Variants in ANK3 observed in about 807,000 individuals in gnomAD.
ANK3 encodes the protein ankyrin 3, also known as ankyrin-3.
A neutral mutation model predicts 370.9 loss-of-function variants in ANK3; 57 were observed. That is an observed-to-expected ratio of 0.15 (90% CI 0.12 to 0.19). The LOEUF is 0.19. ANK3 is among the 10% of genes least tolerant of loss of function. ANK3 has a pLI of 1.00. For missense variants in ANK3, 4,439 were observed against 5,302.1 expected (o/e 0.84, Z 5.06); for synonymous variants, 1,929 against 1,946.3 (o/e 0.99, Z 0.23).
At chr10:60,359,860 T>C (rs2058335301) in intron 1 of ANK3, among the ~76,000 whole-genome samples, 1 of 152,204 alleles carries the variant, frequency 6.6e-6, no homozygotes, top group African/African-American at 2.4e-5. Flanking sequence ...CCAATTTGAA[T>C]GAAGAGTTCA....
intron 2 of ANK3, among the ~76,000 whole-genome samples, chr10:60,539,160 T>TAAAA (rs2076790290): frequency 6.6e-6 from 1 of 151,978 alleles, no homozygotes; most frequent in Non-Finnish European, 1.5e-5. Flanking sequence ...CCATTAATAC[T>TAAAA]TGAAATGTCA....
intron 25 of ANK3, among the ~76,000 whole-genome samples, chr10:60,132,622 A>ATTT (rs113211840): frequency 0.092 from 13,358 of 144,596 alleles, 754 homozygotes; most frequent in Middle Eastern, 0.17. Context: ...CCTATAATCA[A>ATTT]TTTTTTTTTT....
At chr10:60,257,794 G>A (rs1242023897) in intron 7 of ANK3, among the ~76,000 whole-genome samples, 1 of 152,148 alleles carries the variant, frequency 6.6e-6, no homozygotes, top group Non-Finnish European at 1.5e-5. Flanking sequence ...GGAAACAAAT[G>A]AGGTATAGAA....
chr10:60,345,355 C>T (rs1263945297), intron 1 of ANK3, among the ~76,000 whole-genome samples: 1 of 152,036 alleles, frequency 6.6e-6, no homozygotes, highest in African/African-American at 2.4e-5. Flanking sequence ...TTTGTATTTG[C>T]TTCTAAATTA....
At chr10:60,661,340 G>T (rs1447168715) in intron 1 of ANK3, among the ~76,000 whole-genome samples, 2 of 152,076 alleles carry the variant, frequency 1.3e-5, no homozygotes, top group Non-Finnish European at 2.9e-5. Flanking sequence ...GTGAAAGAAT[G>T]AGAGCCAGAA....
At chr10:60,384,305 G>T (rs2061957912) in intron 1 of ANK3, among the ~76,000 whole-genome samples, 1 of 151,990 alleles carries the variant, frequency 6.6e-6, no homozygotes, top group South Asian at 2.1e-4. Context: ...TTTTAAAAAA[G>T]AATCTTAAGA....
chr10:60,194,468 GACT>G (rs1271557067), intron 16 of ANK3, among the ~76,000 whole-genome samples: 1 of 152,068 alleles, frequency 6.6e-6, no homozygotes, highest in African/African-American at 2.4e-5. Flanking sequence ...CTATAAATTT[GACT>G]ACTCTATATA....
At chr10:60,429,522 T>G (rs920821410) in intron 2 of ANK3, among the ~76,000 whole-genome samples, 12 of 152,118 alleles carry the variant, frequency 7.9e-5, no homozygotes, top group Non-Finnish European at 1.6e-4. Flanking sequence ...AAATAAGAAG[T>G]GAGTATAAGA....
chr10:60,080,406 T>C (rs768714284), intron 36 of ANK3, 131 bp downstream of exon 36: 71 of 757,590 alleles, frequency 9.4e-5, no homozygotes, highest in Non-Finnish European at 1.3e-4. Flanking sequence ...TTAGGTTGTA[T>C]GACAGGGTTT....
At chr10:60,488,709 TA>T (rs2075413351) in intron 2 of ANK3, among the ~76,000 whole-genome samples, 1 of 152,210 alleles carries the variant, frequency 6.6e-6, no homozygotes, top group South Asian at 2.1e-4. Flanking sequence ...TCACTTTGTT[TA>T]ATGCTTTCAA....
intron 25 of ANK3, among the ~76,000 whole-genome samples, chr10:60,131,349 C>T (rs2094056501): frequency 6.6e-6 from 1 of 152,144 alleles, no homozygotes; most frequent in South Asian, 2.1e-4. Flanking sequence ...ATGCTGGTTC[C>T]ACAAGGAATG....
chr10:60,527,429 G>C (rs992448948), intron 2 of ANK3, among the ~76,000 whole-genome samples: 2 of 152,048 alleles, frequency 1.3e-5, no homozygotes, highest in Non-Finnish European at 2.9e-5. Context: ...AGAGAGAAGG[G>C]TTCAGAAATA....
chr10:60,498,873 C>T (rs972966753), intron 2 of ANK3, among the ~76,000 whole-genome samples: 8 of 152,124 alleles, frequency 5.3e-5, no homozygotes, highest in Non-Finnish European at 1.0e-4. Context: ...AATCAATATA[C>T]CTATGTTAAG....
intron 1 of ANK3, among the ~76,000 whole-genome samples, chr10:60,660,051 T>C (rs34728146): frequency 0.15 from 22,385 of 152,084 alleles, 2,086 homozygotes; most frequent in South Asian, 0.26. Flanking sequence ...GGTAGGTATA[T>C]ATGAAGGTAC....
rs114865374 is a variant in ANK3 at position 60,031,795 on chromosome 10, C to G, written c.*20-1969G>C. Among the ~76,000 whole-genome samples the G allele has an allele frequency of 5.0e-3, 764 of 152,252 alleles. 10 individuals carry two copies. The highest frequency in any genetic ancestry group is 0.017 in the African/African-American group (721 of 41,536). On this transcript the variant is annotated intron_variant, in intron 43 of 43. Transcript: ENST00000280772. ...GGTAGAGCACTTCCTCTCTCTGCCC[C>G]CCTACAGGACCTGGCTTCCTTTTTA...
Position 60,181,316 on chromosome 10 carries a change from G to T in ANK3, c.2184+13C>A. The stretch of plus-strand genomic sequence containing the variant: ...ACACATTCTTTTCCGTGTGGCAAGG[G>T]AGGGCCGTATACCTTTGTCTGGGCG... On this transcript the variant is annotated intron_variant, in intron 18 of 43. Coordinates refer to ENST00000280772, the MANE Select transcript of ANK3 (RefSeq NM_020987.5). 1.2e-6 allele frequency: 2 copies of T among 1,612,078 alleles called. No homozygotes were observed. The highest frequency in any genetic ancestry group is 1.7e-6 in the Non-Finnish European group (2 of 1,178,146).
At chr10:60,456,206 C>A (rs1458106903) in intron 2 of ANK3, among the ~76,000 whole-genome samples, 1 of 152,132 alleles carries the variant, frequency 6.6e-6, no homozygotes, top group African/African-American at 2.4e-5. Context: ...AAGTAAAATG[C>A]CTGTGAGAGC....
intron 1 of ANK3, among the ~76,000 whole-genome samples, chr10:60,637,246 T>C (rs949459437): frequency 6.6e-6 from 1 of 152,218 alleles, no homozygotes; most frequent in Admixed American, 6.5e-5. Context: ...CCCCAATTTA[T>C]CACATTCTGG....
intron 28 of ANK3, among the ~76,000 whole-genome samples, chr10:60,097,875 G>C (rs1006759178): frequency 6.6e-6 from 1 of 152,148 alleles, no homozygotes; most frequent in Non-Finnish European, 1.5e-5. Flanking sequence ...GTGTATCAGG[G>C]TTAATTTCTA....
Sources: gnomAD v4.1 joint callset for allele counts (sites outside exome capture counted in the v4.1 genomes callset) on GRCh38, gnomAD v4.1.1 for gene constraint, MANE v1.5 for transcripts, NCBI Gene and HGNC (gene_info 2026-07-23, HGNC 2026-07-21) for gene names.